SORL1: variants seen among roughly 807,000 people sequenced by gnomAD.
SORL1 encodes sortilin related receptor 1.
In SORL1, 127 loss-of-function variants were observed where a neutral mutation model predicts 273.7. That is an observed-to-expected ratio of 0.46 (90% CI 0.40 to 0.54). The LOEUF (loss-of-function observed/expected upper bound fraction) is 0.54, where lower values mean the gene tolerates loss of function less well. Ranked by LOEUF, SORL1 falls within the 20% of genes least tolerant of loss-of-function variation. The pLI is 0.00. For synonymous variants in SORL1, 1,031 were observed against 1,067.4 expected, an observed-to-expected ratio of 0.97 and a Z score of 0.66; for missense variants, 2,494 against 2,846.1, an observed-to-expected ratio of 0.88 and a Z score of 2.81.
chr11:121,561,561 T>C (rs1390888265), intron 21 of SORL1, among the ~76,000 whole-genome samples: 2 of 152,086 alleles, frequency 1.3e-5, no homozygotes, highest in Non-Finnish European at 2.9e-5. Flanking sequence ...TAGTGGCACA[T>C]GCCTGTAGTC....
intron 25 of SORL1, among the ~76,000 whole-genome samples, chr11:121,578,594 G>A (rs1182385488): frequency 6.6e-6 from 1 of 152,200 alleles, no homozygotes; most frequent in Non-Finnish European, 1.5e-5. Flanking sequence ...ATTCTCTGCA[G>A]TGTCCAGCAC....
rs759042922 is a variant in SORL1 at position 121,478,206 on chromosome 11, T to G, written c.491T>G (p.Ile164Ser). The change falls in exon 3 of 48, where the codon ATC becomes AGC. Residue 164 changes from isoleucine to serine, a missense_variant. Coordinates refer to ENST00000260197, the MANE Select transcript of SORL1 (RefSeq NM_003105.6). ...FGLGNRSEAV[I>S]AQFYHSPADN... ...TTGGGAAATAGGAGTGAAGCTGTTA[T>G]CGCCCAGTTCTACCACAGCCCTGCG... 2 of 1,614,056 alleles carry G rather than the reference T, an allele frequency of 1.2e-6. No homozygotes were observed. Among genetic ancestry groups the G allele is most frequent in the Admixed American group, 3.3e-5 (2 of 60,004 alleles).
intron 12 of SORL1, among the ~76,000 whole-genome samples, chr11:121,539,670 T>C (rs965315258): frequency 1.3e-5 from 2 of 150,314 alleles, no homozygotes; most frequent in African/African-American, 5.0e-5. Context: ...ATTTTTTTCT[T>C]TTTTTTTACT....
intron 8 of SORL1, among the ~76,000 whole-genome samples, chr11:121,518,782 C>G (rs1011788577): frequency 3.3e-5 from 5 of 152,112 alleles, no homozygotes; most frequent in African/African-American, 1.2e-4. Flanking sequence ...CTTTTCCTGC[C>G]TCAGAGGTTG....
chr11:121,470,769 G>A (rs1450711288), intron 2 of SORL1, among the ~76,000 whole-genome samples: 2 of 152,088 alleles, frequency 1.3e-5, no homozygotes, highest in African/African-American at 4.8e-5. Context: ...CCGCCTCCTG[G>A]GCTCAAGCCA....
intron 26 of SORL1, among the ~76,000 whole-genome samples, chr11:121,584,857 G>A (rs1359014216): frequency 2.0e-5 from 3 of 152,324 alleles, no homozygotes; most frequent in East Asian, 3.9e-4. Flanking sequence ...GCCTCCCAAA[G>A]TGCTGCGATT....
At chr11:121,499,619 A>G (rs1276519716) in intron 6 of SORL1, among the ~76,000 whole-genome samples, 1 of 152,246 alleles carries the variant, frequency 6.6e-6, no homozygotes, top group Non-Finnish European at 1.5e-5. Flanking sequence ...TGGATAGCAC[A>G]CAAAATATGT....
chr11:121,574,247 C>T lies in SORL1; in HGVS notation c.3344C>T (p.Thr1115Ile). The stretch of plus-strand genomic sequence containing the variant: ...TCTTTCTATCCCATTTTAGCTACCA[C>T]CATCTGTGACCTGGACACCCAGTTT... The part of the protein sequence containing the change: ...DMSDERNCPT[T>I]ICDLDTQFRC... The change falls in exon 24 of 48, where the codon ACC becomes ATC. Residue 1115 changes from threonine to isoleucine, a missense_variant. Thr to Ile is a moderately conservative substitution (Grantham distance 89). Coordinates refer to ENST00000260197, the MANE Select transcript of SORL1 (RefSeq NM_003105.6). 2 of 1,613,844 alleles carry T rather than the reference C, an allele frequency of 1.2e-6. No homozygotes were observed. Among genetic ancestry groups the T allele is most frequent in the Non-Finnish European group, 1.7e-6 (2 of 1,179,732 alleles).
intron 6 of SORL1, among the ~76,000 whole-genome samples, chr11:121,503,971 A>G (rs1166974755): frequency 6.6e-6 from 1 of 152,230 alleles, no homozygotes; most frequent in Non-Finnish European, 1.5e-5. Context: ...TACAGATTCA[A>G]CACAATTTGG....
Position 121,627,718 on chromosome 11 carries a change from C to G in SORL1, c.6528C>G (p.His2176Gln). The G allele has an allele frequency of 6.2e-7, 1 of 1,614,168 alleles. No individual in the cohort carries two copies. The highest frequency in any genetic ancestry group is 8.5e-7 in the Non-Finnish European group (1 of 1,180,028). The change falls in exon 47 of 48, where the codon CAC (histidine) becomes CAG (glutamine). Residue 2176 changes from histidine to glutamine, a missense_variant. Around this residue, in one of 3 missense-constraint regions of SORL1, gnomAD observed 1,609 missense variants for 1,816.4 expected, o/e 0.89. Coordinates refer to ENST00000260197, the MANE Select transcript of SORL1 (RefSeq NM_003105.6). This position sits in a 1 kb window ranked among gnomAD's most constrained non-coding sequence, Gnocchi z 4.9. ...QSSFTAFANS[H>Q]YSSRLGSAIF... The stretch of plus-strand genomic sequence containing the variant: ...GCTTCACCGCCTTCGCCAACAGCCA[C>G]TACAGCTCCAGGCTGGGGTCCGCAA...
chr11:121,548,756 G>A (rs183070887), intron 14 of SORL1, among the ~76,000 whole-genome samples: 3 of 152,068 alleles, frequency 2.0e-5, no homozygotes, highest in African/African-American at 4.8e-5. Flanking sequence ...TAGTAGAGAC[G>A]GGGTTTTGCC....
chr11:121,550,736 C>A lies in SORL1; in HGVS notation c.2266+66C>A. 1 of 1,294,072 alleles carries A rather than the reference C, an allele frequency of 7.7e-7. No homozygotes were observed. Among genetic ancestry groups the A allele is most frequent in the Non-Finnish European group, 1.1e-6 (1 of 910,570 alleles). 80.2% of individuals were successfully genotyped at this position (1,294,072 alleles called of 1,614,324 possible). Reference sequence around the variant, plus strand: ...GGTTGAAGCAGTATCACGATCTCACCCAAGTCCGGGCTTGTGGCTCCTTTA... The same window carrying A: ...GGTTGAAGCAGTATCACGATCTCACACAAGTCCGGGCTTGTGGCTCCTTTA... On this transcript the variant is annotated intron_variant, in intron 16 of 47. Transcript: ENST00000260197. This position sits in a 1 kb window ranked among gnomAD's most constrained non-coding sequence, Gnocchi z 5.3.
At chr11:121,615,084 G>C (rs1419435734) in intron 41 of SORL1, 29 bp downstream of exon 41, 1 of 1,570,104 alleles carries the variant, frequency 6.4e-7, no homozygotes, top group East Asian at 2.3e-5. Context: ...CCATCACAAA[G>C]TGAGTGTGGA....
rs538364447 is a variant in SORL1 at position 121,563,133 on chromosome 11, T to A, written c.3049+3476T>A. ...GAATATGAAAGTCTGGTTTAGTAAC[T>A]TGTGTAGGTCACACTTTTAGTAAGT... is the stretch of plus-strand genomic sequence containing the variant. On this transcript the variant is annotated intron_variant, in intron 21 of 47. Coordinates refer to ENST00000260197, the MANE Select transcript of SORL1 (RefSeq NM_003105.6). The surrounding 1 kb of genome is among the most constrained non-coding windows in gnomAD (Gnocchi z 4.2). Among the ~76,000 whole-genome samples the A allele has an allele frequency of 1.3e-5, 2 of 152,218 alleles. No homozygotes were observed. Among genetic ancestry groups the A allele is most frequent in the Non-Finnish European group, 2.9e-5 (2 of 68,040 alleles).
chr11:121,629,707 G>T lies in SORL1; in HGVS notation c.*144G>T, dbSNP rs1361489540. On this transcript the variant is annotated 3_prime_UTR_variant, in exon 48 of 48. Transcript: ENST00000260197. ...AACAAAAAACAAAAAAAAAAAAAAG[G>T]AAAGAAAGGAATGAATAAACTTTGT... The T allele has an allele frequency of 1.7e-6, 1 of 596,744 alleles. No homozygotes were observed. The allele number at this position is 596,744 out of a possible 1,614,324, so 37.0% of individuals were successfully genotyped here.
At chr11:121,470,326 C>T (rs771659216) in intron 2 of SORL1, among the ~76,000 whole-genome samples, 19 of 152,226 alleles carry the variant, frequency 1.2e-4, no homozygotes, top group Non-Finnish European at 2.2e-4. Context: ...CAAACAGATC[C>T]ATGCAATGTG....
chr11:121,559,660 A>T lies in SORL1; in HGVS notation c.3049+3A>T. ...TTTCTACAAGGGGAAGAACACTGGTAAGCCAGAGTCTCTTCTTTTGTCTCT... is the reference window on the plus strand; with the variant it reads ...TTTCTACAAGGGGAAGAACACTGGTTAGCCAGAGTCTCTTCTTTTGTCTCT... On this transcript the variant is annotated splice_donor_region_variant and intron_variant, in intron 21 of 47. Transcript: ENST00000260197. 1 of 1,613,882 alleles carries T rather than the reference A, an allele frequency of 6.2e-7. No homozygotes were observed. The highest frequency in any genetic ancestry group is 8.5e-7 in the Non-Finnish European group (1 of 1,179,876).
At chr11:121,501,449 A>G (rs917338298) in intron 6 of SORL1, among the ~76,000 whole-genome samples, 1 of 152,198 alleles carries the variant, frequency 6.6e-6, no homozygotes, top group Non-Finnish European at 1.5e-5. Flanking sequence ...CAATTTGTGT[A>G]ATGGAAATCA....
At chr11:121,497,129 TTTGCA>T in intron 6 of SORL1, 80 bp downstream of exon 6, 1 of 1,203,838 alleles carries the variant, frequency 8.3e-7, no homozygotes. Flanking sequence ...AACAGGTGAG[TTTGCA>T]TACACAGGAA....
Sources: allele counts gnomAD v4.1 joint callset (sites outside exome capture counted in the v4.1 genomes callset), GRCh38; gene constraint gnomAD v4.1.1; regional missense constraint gnomAD v4.1.1; non-coding constraint Gnocchi (gnomAD v3.1); transcripts MANE v1.5; gene names NCBI Gene and HGNC (gene_info 2026-07-23, HGNC 2026-07-21).